Variants in OPN3 observed in about 807,000 individuals in gnomAD.
OPN3 encodes opsin-3.
A neutral mutation model predicts 33.8 loss-of-function variants in OPN3; 29 were observed. The observed-to-expected ratio is 0.86, with a 90% CI of 0.64 to 1.17. The LOEUF is 1.17. Ranked by LOEUF, OPN3 falls within the 50% of genes most tolerant of loss-of-function variation. The pLI is 0.00. For synonymous variants in OPN3, 216 were observed against 216.1 expected (o/e 1.00, Z 0.00); for missense variants, 437 against 514.1 (o/e 0.85, Z 1.45).
At position 241,604,553 on chromosome 1, in the gene OPN3, C is replaced by G. The variant is rs369503031; in HGVS notation, c.400G>C (p.Val134Leu). 2 of 1,611,670 alleles carry G rather than the reference C, an allele frequency of 1.2e-6. No individual in the cohort carries two copies. The highest frequency in any genetic ancestry group is 1.1e-5 in the South Asian group (1 of 91,006). The change falls in exon 2 of 4, where the codon GTG becomes CTG. Residue 134 changes from valine (V) to leucine (L), a missense_variant. By Grantham distance (32) the Val-to-Leu change is conservative (BLOSUM62 1). Transcript: ENST00000366554. ...CGAATGTAACGTTCATAGGCCAGCA[C>G]GGTTAGGGTGGCAATGGAAACAATC... ...FGIVSIATLTVLAYERYIRVV... is the reference protein window; with the variant it reads ...FGIVSIATLTLLAYERYIRVV...
At position 241,598,893 on chromosome 1, in the gene OPN3, G is replaced by A. The variant is rs1663609352; in HGVS notation, c.694-896C>T. ...AATACTCTATATATTGATTTTTTAA[G>A]TAGTTAGCATATAGTTAATACTTAG... On this transcript the variant is annotated intron_variant, in intron 2 of 3. Coordinates refer to ENST00000366554, the MANE Select transcript of OPN3 (RefSeq NM_014322.3). 2.0e-5 allele frequency among the ~76,000 whole-genome samples: 3 copies of A among 152,136 alleles called. No homozygotes were observed. In the South Asian group the frequency reaches 6.2e-4, roughly 32 times the overall value.
rs1020714802 is a variant in OPN3 at position 241,640,288 on chromosome 1, G to A, written c.-34C>T. 7.8e-5 allele frequency: 90 copies of A among 1,150,746 alleles called. No homozygotes were observed. The African/African-American group carries it at 1.3e-3, about 17-fold the overall frequency. The allele number at this position is 1,150,746 out of a possible 1,614,324, so 71.3% of individuals were successfully genotyped here. Reference sequence around the variant, plus strand: ...GCCGGCGCGCCTGGCGGGCGGAGGCGCTCAGCTTGCGGCGGGGCTCGCGGC... The same window carrying A: ...GCCGGCGCGCCTGGCGGGCGGAGGCACTCAGCTTGCGGCGGGGCTCGCGGC... On this transcript the variant is annotated 5_prime_UTR_variant, in exon 1 of 4. Coordinates refer to ENST00000366554, the MANE Select transcript of OPN3 (RefSeq NM_014322.3).
intron 1 of OPN3, among the ~76,000 whole-genome samples, chr1:241,610,172 A>G (rs971592429): frequency 6.6e-6 from 1 of 152,244 alleles, no homozygotes; most frequent in Non-Finnish European, 1.5e-5. Flanking sequence ...CGGGATACAC[A>G]CCATGCCCAG....
Position 241,634,190 on chromosome 1 carries a change from A to T in OPN3, c.373+5692T>A, listed in dbSNP as rs1418696122. The T allele has an allele frequency of 1.2e-6, 2 of 1,613,834 alleles. No homozygotes were observed. Among genetic ancestry groups the T allele is most frequent in the Non-Finnish European group, 1.7e-6 (2 of 1,179,896 alleles). On this transcript the variant is annotated intron_variant, in intron 1 of 3. Coordinates refer to ENST00000366554, the MANE Select transcript of OPN3 (RefSeq NM_014322.3). ...AGTATACGGAGTGAATAATTTCTTC[A>T]CCACTGATTCTAAGTCTTCTCTTGC... is the stretch of plus-strand genomic sequence containing the variant.
At chr1:241,620,698 T>A (rs570565333) in intron 1 of OPN3, among the ~76,000 whole-genome samples, 1 of 152,366 alleles carries the variant, frequency 6.6e-6, no homozygotes, top group African/African-American at 2.4e-5. Context: ...AAAATATTAT[T>A]TCAATTTTTA....
intron 1 of OPN3, among the ~76,000 whole-genome samples, chr1:241,623,306 C>T (rs1664317315): frequency 2.0e-5 from 3 of 152,156 alleles, no homozygotes; most frequent in African/African-American, 7.2e-5. Flanking sequence ...CAAATCTGTC[C>T]TTTGTTGTCC....
intron 1 of OPN3, chr1:241,630,042 CTAA>C (rs1260540201): frequency 6.6e-6 from 1 of 152,064 alleles, no homozygotes; most frequent in Non-Finnish European, 1.5e-5. Flanking sequence ...AAATTTCATA[CTAA>C]TGTCACATAT....
intron 1 of OPN3, among the ~76,000 whole-genome samples, chr1:241,606,889 C>G (rs1189938116): frequency 6.6e-6 from 1 of 152,200 alleles, no homozygotes; most frequent in African/African-American, 2.4e-5. Context: ...AGCTCTGTAA[C>G]TTTCAGCAAA....
chr1:241,616,791 C>T (rs1337696045), intron 1 of OPN3, among the ~76,000 whole-genome samples: 2 of 151,858 alleles, frequency 1.3e-5, no homozygotes, highest in Non-Finnish European at 2.9e-5. Flanking sequence ...TTTTTTTTCC[C>T]TCAGGGAACT....
intron 1 of OPN3, among the ~76,000 whole-genome samples, chr1:241,613,605 T>C (rs2148008469): frequency 6.6e-6 from 1 of 152,304 alleles, no homozygotes; most frequent in East Asian, 1.9e-4. Context: ...AATTGAAGAA[T>C]TTTAGAGAAA....
chr1:241,601,175 A>C (rs1663668028), intron 2 of OPN3: 1 of 152,166 alleles, frequency 6.6e-6, no homozygotes, highest in African/African-American at 2.4e-5. Context: ...GAGTGTCAAG[A>C]AATGAGGCTG....
intron 1 of OPN3, among the ~76,000 whole-genome samples, chr1:241,608,403 T>C (rs973562392): frequency 2.0e-5 from 3 of 152,046 alleles, no homozygotes; most frequent in Non-Finnish European, 4.4e-5. Context: ...TATAAAGAGG[T>C]GAGTGAAACC....
intron 2 of OPN3, chr1:241,600,994 G>A (rs1663663721): frequency 6.6e-6 from 1 of 152,180 alleles, no homozygotes; most frequent in Admixed American, 6.6e-5. Context: ...GTTAGAGCAA[G>A]AAAATCGTGC....
chr1:241,636,966 A>AAC (rs1553357077), intron 1 of OPN3, among the ~76,000 whole-genome samples: 66 of 151,748 alleles, frequency 4.3e-4, no homozygotes, highest in Non-Finnish European at 8.0e-4. Flanking sequence ...AAAAAAAAAA[A>AAC]AATAATAAGG....
intron 1 of OPN3, among the ~76,000 whole-genome samples, chr1:241,622,032 C>T (rs1266839918): frequency 6.6e-6 from 1 of 152,144 alleles, no homozygotes; most frequent in Non-Finnish European, 1.5e-5. Context: ...ACTCTCCTAA[C>T]AGTGCTGTGG....
At chr1:241,635,893 G>GT (rs1340843240) in intron 1 of OPN3, 7 of 874,478 alleles carry the variant, frequency 8.0e-6, no homozygotes, top group Non-Finnish European at 1.2e-5. Context: ...GGTCCTAGCT[G>GT]TTTAACGGTT....
intron 1 of OPN3, chr1:241,634,494 A>G: frequency 6.2e-7 from 1 of 1,613,878 alleles, no homozygotes; most frequent in Non-Finnish European, 8.5e-7. Context: ...CTTTGACCAA[A>G]GTGATCTATA....
In OPN3 at chr1:241,605,071, A is replaced by AT. The variant is rs1491312925; in HGVS notation, c.374-493_374-492insA. Among the ~76,000 whole-genome samples, 3 of 140,738 alleles carry AT rather than the reference A, an allele frequency of 2.1e-5. No individual in the cohort carries two copies. In the East Asian group the frequency reaches 6.5e-4, roughly 31 times the overall value. 92.3% of individuals were successfully genotyped at this position (140,738 alleles called of 152,430 possible). On this transcript the variant is annotated intron_variant, in intron 1 of 3. Coordinates refer to ENST00000366554, the MANE Select transcript of OPN3 (RefSeq NM_014322.3). ...ACCTTATCTCAAAAAAAAAAAAAAT[A>AT]AAATAAAATAAAATGGAAAATGCCA...
At chr1:241,598,378 TAG>T (rs1454674019) in intron 2 of OPN3, among the ~76,000 whole-genome samples, 7 of 152,228 alleles carry the variant, frequency 4.6e-5, no homozygotes, top group Non-Finnish European at 1.5e-5. Flanking sequence ...GGAAACTCTA[TAG>T]AGTGTTAGTC....
Sources: allele counts gnomAD v4.1 joint callset (sites outside exome capture counted in the v4.1 genomes callset), GRCh38; gene constraint gnomAD v4.1.1; transcripts MANE v1.5; gene names NCBI Gene and HGNC (gene_info 2026-07-23, HGNC 2026-07-21).